TOX: variants seen among roughly 807,000 people sequenced by gnomAD.
TOX encodes the protein thymocyte selection-associated high mobility group box protein TOX.
In TOX, 11 loss-of-function variants were observed where a neutral mutation model predicts 53.7. The ratio of observed to expected loss-of-function variants is 0.20; its 90% confidence interval spans 0.13 to 0.34. The LOEUF (loss-of-function observed/expected upper bound fraction) is 0.34, where lower values mean the gene tolerates loss of function less well. Among genes scored for constraint, TOX ranks in the 10% least tolerant of loss-of-function variants. The pLI, the probability that TOX is intolerant of heterozygous loss-of-function variation, is 1.00. For missense variants in TOX, 570 were observed against 664.6 expected (o/e 0.86, Z 1.56); for synonymous variants, 225 against 245.3 (o/e 0.92, Z 0.77).
intron 1 of TOX, among the ~76,000 whole-genome samples, chr8:58,984,599 T>A (rs1813287770): frequency 6.6e-6 from 1 of 151,878 alleles, no homozygotes. Context: ...GACACCACAG[T>A]GAAACCCCGT....
intron 7 of TOX, among the ~76,000 whole-genome samples, chr8:58,811,540 C>T (rs1810075733): frequency 6.6e-6 from 1 of 152,186 alleles, no homozygotes; most frequent in Non-Finnish European, 1.5e-5. Flanking sequence ...CATTTCCTGC[C>T]TGTCTGGAGA....
chr8:59,003,971 A>G (rs2129418293), intron 1 of TOX, among the ~76,000 whole-genome samples: 1 of 152,334 alleles, frequency 6.6e-6, no homozygotes, highest in African/African-American at 2.4e-5. Flanking sequence ...TATAATGACC[A>G]ATATTCACTA....
intron 1 of TOX, among the ~76,000 whole-genome samples, chr8:58,980,077 G>T (rs1415873994): frequency 6.6e-6 from 1 of 152,164 alleles, no homozygotes; most frequent in Non-Finnish European, 1.5e-5. Context: ...CATTTAATTG[G>T]CCATTTAACA....
intron 1 of TOX, among the ~76,000 whole-genome samples, chr8:59,061,655 G>A (rs1803986742): frequency 6.6e-6 from 1 of 151,964 alleles, no homozygotes; most frequent in South Asian, 2.1e-4. Flanking sequence ...GTGATGATAA[G>A]AGGATGGCAA....
intron 1 of TOX, among the ~76,000 whole-genome samples, chr8:59,011,079 T>C (rs577891869): frequency 6.6e-6 from 1 of 152,304 alleles, no homozygotes; most frequent in East Asian, 1.9e-4. Context: ...ATTTCAGATA[T>C]ATTGTATTTT....
chr8:59,094,735 C>A (rs961861342), intron 1 of TOX, among the ~76,000 whole-genome samples: 2 of 152,184 alleles, frequency 1.3e-5, no homozygotes, highest in African/African-American at 4.8e-5. Flanking sequence ...AACCCGCAGA[C>A]CGCACTGTTA....
rs1809958935 is a variant in TOX at position 58,805,501 on chromosome 8, T to C, written c.*2246A>G. Reference sequence around the variant, plus strand: ...TGTATTTGGTATTGAATTTCAACACTCTCTACCCTGGTCGCACAGCTGCTC... The same window carrying C: ...TGTATTTGGTATTGAATTTCAACACCCTCTACCCTGGTCGCACAGCTGCTC... On this transcript the variant is annotated 3_prime_UTR_variant, in exon 9 of 9. Coordinates refer to ENST00000361421, the MANE Select transcript of TOX (RefSeq NM_014729.3). 2.0e-5 allele frequency: 3 copies of C among 152,606 alleles called. No individual in the cohort carries two copies. The highest frequency in any genetic ancestry group is 4.1e-4 in the South Asian group (2 of 4,830). The allele number at this position is 152,606 out of a possible 1,614,324, so 9.5% of individuals were successfully genotyped here. A position where few individuals can be genotyped will look rare whatever the true frequency, so the allele number is the denominator to read the frequency against.
intron 3 of TOX, among the ~76,000 whole-genome samples, chr8:58,900,456 T>C (rs1398819898): frequency 6.6e-6 from 1 of 152,088 alleles, no homozygotes; most frequent in Non-Finnish European, 1.5e-5. Flanking sequence ...CCAAAAAAAA[T>C]CATAACTGAA....
rs2129425462 is a variant in TOX at position 59,118,678 on chromosome 8, C to T, written c.102+208G>A. Among the ~76,000 whole-genome samples the T allele has an allele frequency of 6.6e-6, 1 of 152,302 alleles. No individual in the cohort carries two copies. The highest frequency in any genetic ancestry group is 1.5e-5 in the Non-Finnish European group (1 of 68,022). Reference sequence around the variant, plus strand: ...GAAAGAATCCGAGCAAATCGTGTCACTTTCCGCACAATCGCGGTGTTTGGC... The same window carrying T: ...GAAAGAATCCGAGCAAATCGTGTCATTTTCCGCACAATCGCGGTGTTTGGC... On this transcript the variant is annotated intron_variant, in intron 1 of 8. Transcript: ENST00000361421. The surrounding 1 kb of genome is among the most constrained non-coding windows in gnomAD (Gnocchi z 4.1).
At chr8:59,032,978 G>A (rs1814386565) in intron 1 of TOX, among the ~76,000 whole-genome samples, 1 of 149,594 alleles carries the variant, frequency 6.7e-6, no homozygotes, top group Non-Finnish European at 1.5e-5. Flanking sequence ...TTGTTGCAGT[G>A]AGCCAAGATT....
intron 1 of TOX, among the ~76,000 whole-genome samples, chr8:58,988,237 C>G (rs141493194): frequency 5.6e-4 from 85 of 152,246 alleles, no homozygotes; most frequent in Non-Finnish European, 4.9e-4. Flanking sequence ...CAGATTTCGG[C>G]AGATAAAAAT....
intron 3 of TOX, among the ~76,000 whole-genome samples, chr8:58,882,807 T>C (rs911582513): frequency 1.3e-5 from 2 of 152,154 alleles, no homozygotes; most frequent in African/African-American, 2.4e-5. Context: ...ATGAGTGCAT[T>C]GGGAAAAGAG....
At chr8:58,887,150 T>C (rs76180368) in intron 3 of TOX, among the ~76,000 whole-genome samples, 1 of 152,120 alleles carries the variant, frequency 6.6e-6, no homozygotes, top group East Asian at 1.9e-4. Context: ...TGAGCTACTG[T>C]TGCATGTTTG....
chr8:59,073,085 C>T (rs1411450294), intron 1 of TOX, among the ~76,000 whole-genome samples: 1 of 152,032 alleles, frequency 6.6e-6, no homozygotes, highest in African/African-American at 2.4e-5. Context: ...AGGTAAAGCC[C>T]AATCTCCACC....
intron 1 of TOX, among the ~76,000 whole-genome samples, chr8:59,069,314 C>T (rs544464350): frequency 3.5e-4 from 53 of 152,108 alleles, no homozygotes; most frequent in African/African-American, 1.2e-3. Context: ...TGGCTGGGGT[C>T]GCCAGGTAAT....
intron 3 of TOX, among the ~76,000 whole-genome samples, chr8:58,896,770 C>A (rs957217338): frequency 6.6e-6 from 1 of 152,188 alleles, no homozygotes; most frequent in African/African-American, 2.4e-5. Flanking sequence ...TTTAGTCTAT[C>A]CAAGGTGCTG....
chr8:58,850,275 G>A (rs1226421510), intron 4 of TOX, among the ~76,000 whole-genome samples: 3 of 152,182 alleles, frequency 2.0e-5, no homozygotes, highest in African/African-American at 7.2e-5. Context: ...TAGATCCCTG[G>A]AAAGAGAAGG....
At chr8:58,981,607 C>CCAT (rs1375789690) in intron 1 of TOX, among the ~76,000 whole-genome samples, 2 of 152,084 alleles carry the variant, frequency 1.3e-5, no homozygotes, top group Non-Finnish European at 2.9e-5. Flanking sequence ...CGTTGAGTTT[C>CCAT]CATCACATTT....
intron 1 of TOX, among the ~76,000 whole-genome samples, chr8:58,996,669 A>G (rs75445237): frequency 0.019 from 2,855 of 152,342 alleles, 105 homozygotes; most frequent in African/African-American, 0.065. Flanking sequence ...AGCCCTACTT[A>G]GAGAAAAATA....
Sources: allele counts gnomAD v4.1 joint callset (sites outside exome capture counted in the v4.1 genomes callset), GRCh38; gene constraint gnomAD v4.1.1; non-coding constraint Gnocchi (gnomAD v3.1); transcripts MANE v1.5; gene names NCBI Gene and HGNC (gene_info 2026-07-23, HGNC 2026-07-21).